The following SDK1 variants were observed in gnomAD, a reference collection of about 807,000 sequenced individuals.
The protein encoded by SDK1 is protein sidekick-1.
SDK1 carries 157 observed loss-of-function variants against 245.5 expected under a neutral mutation model. The observed-to-expected ratio is 0.64, with a 90% CI of 0.56 to 0.73. The LOEUF (loss-of-function observed/expected upper bound fraction) is 0.73, where lower values mean the gene tolerates loss of function less well. Among genes scored for constraint, SDK1 ranks in the 30% least tolerant of loss-of-function variants. The probability of loss-of-function intolerance (pLI) is 0.00; values close to 1 mark genes in which losing one functional copy is unlikely to be tolerated. For synonymous variants in SDK1, 1,647 were observed against 1,278.5 expected (o/e 1.29, Z -6.15); for missense variants, 3,583 against 3,002.3 (o/e 1.19, Z -4.52).
chr7:4,147,022 G>A (rs977607065), intron 29 of SDK1, among the ~76,000 whole-genome samples: 3 of 152,154 alleles, frequency 2.0e-5, no homozygotes, highest in African/African-American at 7.2e-5. Context: ...CAGCGTCCAG[G>A]GTTGGTGCCA....
intron 5 of SDK1, among the ~76,000 whole-genome samples, chr7:3,846,849 C>T (rs988303369): frequency 3.9e-5 from 6 of 152,048 alleles, no homozygotes; most frequent in Admixed American, 6.6e-5. Context: ...CCCCTCTCCA[C>T]GACCCTCTTT....
intron 28 of SDK1, among the ~76,000 whole-genome samples, chr7:4,133,737 C>T (rs1336273834): frequency 3.3e-5 from 5 of 152,176 alleles, no homozygotes; most frequent in Non-Finnish European, 5.9e-5. Flanking sequence ...GAGACCTGGA[C>T]GTTTTAAACT....
intron 32 of SDK1, among the ~76,000 whole-genome samples, chr7:4,172,184 C>T (rs961931331): frequency 3.9e-5 from 6 of 152,212 alleles, no homozygotes; most frequent in Non-Finnish European, 8.8e-5. Context: ...ACAGGGGTGT[C>T]AGAAAGTCCT....
At chr7:3,701,498 C>T (rs1000256123) in intron 4 of SDK1, among the ~76,000 whole-genome samples, 2 of 152,072 alleles carry the variant, frequency 1.3e-5, no homozygotes, top group Non-Finnish European at 2.9e-5. Context: ...TACTTGGGAC[C>T]GTGGGGCAGG....
intron 30 of SDK1, among the ~76,000 whole-genome samples, chr7:4,156,222 A>G (rs1458900545): frequency 6.6e-6 from 1 of 152,104 alleles, no homozygotes; most frequent in Admixed American, 6.6e-5. Context: ...CAGTGGGGCT[A>G]TGGTGGGTGG....
chr7:3,598,027 G>A (rs1781124413), intron 1 of SDK1, among the ~76,000 whole-genome samples: 1 of 152,078 alleles, frequency 6.6e-6, no homozygotes, highest in African/African-American at 2.4e-5. Flanking sequence ...TTTCTAAAGT[G>A]GTTGTACCAT....
chr7:4,124,802 C>A (rs143364021), intron 25 of SDK1, among the ~76,000 whole-genome samples: 273 of 152,248 alleles, frequency 1.8e-3, no homozygotes, highest in African/African-American at 6.1e-3. Context: ...ATGAGGAAGT[C>A]TGAATGTCTG....
intron 44 of SDK1, among the ~76,000 whole-genome samples, chr7:4,263,310 A>T (rs1038841241): frequency 1.3e-5 from 2 of 150,252 alleles, no homozygotes; most frequent in East Asian, 2.0e-4. Context: ...GGGCTCTTCT[A>T]TGTTCTGCCC....
chr7:3,625,200 G>C (rs1015405448), intron 2 of SDK1, among the ~76,000 whole-genome samples: 4 of 151,926 alleles, frequency 2.6e-5, no homozygotes, highest in Non-Finnish European at 5.9e-5. Context: ...TAAACAAAGG[G>C]AATATTTGAA....
At chr7:3,666,320 C>T (rs1044550837) in intron 4 of SDK1, among the ~76,000 whole-genome samples, 5 of 152,194 alleles carry the variant, frequency 3.3e-5, no homozygotes, top group Non-Finnish European at 7.3e-5. Context: ...TGTACACTGT[C>T]CCAGCTGCCC....
At chr7:3,620,233 G>A (rs966624912) in intron 2 of SDK1, among the ~76,000 whole-genome samples, 1 of 152,012 alleles carries the variant, frequency 6.6e-6, no homozygotes, top group Non-Finnish European at 1.5e-5. Flanking sequence ...GAATTTATGT[G>A]TGTGTCAGTT....
At chr7:4,144,451 A>C (rs1562879701) in intron 28 of SDK1, among the ~76,000 whole-genome samples, 1 of 40,118 alleles carries the variant, frequency 2.5e-5, no homozygotes, top group African/African-American at 6.7e-5. Flanking sequence ...TGTGGCGGTG[A>C]TGACGGTGCT....
chr7:3,370,418 AAG>A (rs1322227872), intron 1 of SDK1, among the ~76,000 whole-genome samples: 3 of 152,202 alleles, frequency 2.0e-5, no homozygotes, highest in Non-Finnish European at 2.9e-5. Context: ...TGGTGTGAAA[AAG>A]TAATTTCTTC....
At chr7:3,774,442 A>G (rs914633907) in intron 4 of SDK1, among the ~76,000 whole-genome samples, 10 of 152,212 alleles carry the variant, frequency 6.6e-5, no homozygotes, top group African/African-American at 2.4e-4. Context: ...CCGTATGCCA[A>G]GCTGCTCCAG....
chr7:3,876,001 A>G (rs923953241), intron 5 of SDK1, among the ~76,000 whole-genome samples: 1 of 152,010 alleles, frequency 6.6e-6, no homozygotes, highest in Non-Finnish European at 1.5e-5. Flanking sequence ...AATGTGGGGG[A>G]AAGTTTTGCT....
rs975561813 is a variant in SDK1 at position 3,548,164 on chromosome 7, T to G, written c.299-70916T>G. Reference sequence around the variant, plus strand: ...GTTGAAATGCATCAGTTGAATAGATTAGAGATTCAAGTATATATGAAGATC... The same window carrying G: ...GTTGAAATGCATCAGTTGAATAGATGAGAGATTCAAGTATATATGAAGATC... On this transcript the variant is annotated intron_variant, in intron 1 of 44. Transcript: ENST00000404826. 3.3e-5 allele frequency among the ~76,000 whole-genome samples: 5 copies of G among 152,180 alleles called. No individual in the cohort carries two copies. The East Asian group carries it at 5.8e-4, about 18-fold the overall frequency.
At chr7:4,230,581 TAATG>T (rs768489858) in intron 40 of SDK1, among the ~76,000 whole-genome samples, 8 of 149,964 alleles carry the variant, frequency 5.3e-5, no homozygotes, top group Non-Finnish European at 8.9e-5. Context: ...AATGGATGGA[TAATG>T]AATGGATGGA....
intron 5 of SDK1, among the ~76,000 whole-genome samples, chr7:3,824,442 CG>C (rs2115064070): frequency 6.6e-6 from 1 of 152,268 alleles, no homozygotes; most frequent in Non-Finnish European, 1.5e-5. Context: ...TCGGGATGAT[CG>C]GGTACTGGTA....
In SDK1 at chr7:3,987,058, TGG is replaced by T. The variant is rs1273213080; in HGVS notation, c.1995-126_1995-125del. The T allele has an allele frequency of 4.6e-6, 4 of 860,738 alleles. No individual in the cohort carries two copies. The African/African-American group carries it at 6.8e-5, about 15-fold the overall frequency. 53.3% of individuals were successfully genotyped at this position (860,738 alleles called of 1,614,324 possible). On this transcript the variant is annotated intron_variant, in intron 13 of 44. Coordinates refer to ENST00000404826, the MANE Select transcript of SDK1 (RefSeq NM_152744.4). ...GGGGAAGAGAGTTAATATTTGTGTT[TGG>T]GCATATTTTATGTTATTCATTTCCC...
Sources: gnomAD v4.1 joint callset for allele counts (sites outside exome capture counted in the v4.1 genomes callset) on GRCh38, gnomAD v4.1.1 for gene constraint, MANE v1.5 for transcripts, NCBI Gene and HGNC (gene_info 2026-07-23, HGNC 2026-07-21) for gene names.